Variants in ECM2 observed in about 807,000 individuals in gnomAD.
ECM2 encodes the protein extracellular matrix protein 2, female organ and adipocyte specific.
ECM2 carries 57 observed loss-of-function variants against 67.5 expected under a neutral mutation model. The ratio of observed to expected loss-of-function variants is 0.84; its 90% CI spans 0.68 to 1.05. The LOEUF is 1.05. Ranked by LOEUF, ECM2 falls within the 50% of genes least tolerant of loss-of-function variation. The pLI, the probability that ECM2 is intolerant of heterozygous loss-of-function variation, is 0.00. For missense variants in ECM2, 741 were observed against 822.8 expected, an observed-to-expected ratio of 0.90 and a Z score of 1.22; for synonymous variants, 258 against 294.5, an observed-to-expected ratio of 0.88 and a Z score of 1.27.
At chr9:92,557,099 C>G in the ECM2 span, among the ~76,000 whole-genome samples, 3 of 152,168 alleles carry the variant, frequency 2.0e-5, no homozygotes, top group African/African-American at 7.2e-5. Flanking sequence ...CTGAGTTTCG[C>G]TGAATACAAA....
intron 7 of ECM2, among the ~76,000 whole-genome samples, chr9:92,503,743 G>A (rs889658599): frequency 6.6e-6 from 1 of 152,204 alleles, no homozygotes; most frequent in Non-Finnish European, 1.5e-5. Flanking sequence ...GTATTTGTTA[G>A]AAATTAGTAA....
At chr9:92,544,779 G>A in the ECM2 span, among the ~76,000 whole-genome samples, 2 of 148,642 alleles carry the variant, frequency 1.3e-5, no homozygotes, top group South Asian at 2.1e-4. Context: ...GCAGTGGCGC[G>A]ATCTCAGCTC....
chr9:92,513,844 A>G (rs528938602), intron 4 of ECM2, among the ~76,000 whole-genome samples: 1 of 152,356 alleles, frequency 6.6e-6, no homozygotes, highest in African/African-American at 2.4e-5. Flanking sequence ...GGTGGTGGTT[A>G]CATGACTATG....
At chr9:92,516,304 C>A (rs1847716893) in intron 3 of ECM2, among the ~76,000 whole-genome samples, 1 of 152,024 alleles carries the variant, frequency 6.6e-6, no homozygotes, top group Non-Finnish European at 1.5e-5. Flanking sequence ...ACCTTGTGAT[C>A]CTCCCGCCTC....
At chr9:92,516,079 C>A (rs189720948) in intron 3 of ECM2, among the ~76,000 whole-genome samples, 20 of 150,308 alleles carry the variant, frequency 1.3e-4, no homozygotes, top group East Asian at 7.8e-4. Context: ...TTTTCCCCCC[C>A]CCGAGACGGA....
chr9:92,499,994 A>G (rs116974732), intron 9 of ECM2, among the ~76,000 whole-genome samples: 1 of 152,134 alleles, frequency 6.6e-6, no homozygotes, highest in Non-Finnish European at 1.5e-5. Context: ...GTCTTAATAA[A>G]TGTATTCAGA....
At chr9:92,559,068 A>C in the ECM2 span, among the ~76,000 whole-genome samples, 19 of 152,268 alleles carry the variant, frequency 1.2e-4, no homozygotes, top group African/African-American at 4.6e-4. Context: ...CAGCTGCCAA[A>C]GAAAAGGGCT....
At chr9:92,523,196 T>C (rs1416728422) in intron 1 of ECM2, among the ~76,000 whole-genome samples, 1 of 152,168 alleles carries the variant, frequency 6.6e-6, no homozygotes, top group African/African-American at 2.4e-5. Flanking sequence ...TCCTCCTGCA[T>C]TGGCCTCCCA....
chr9:92,498,429 C>A (rs911690977), intron 9 of ECM2, among the ~76,000 whole-genome samples: 10 of 151,470 alleles, frequency 6.6e-5, no homozygotes, highest in Admixed American at 5.9e-4. Flanking sequence ...TGCACATGTA[C>A]CCTAAAAGTA....
chr9:92,530,841 G>A (rs1219795476), intron 1 of ECM2, among the ~76,000 whole-genome samples: 1 of 152,062 alleles, frequency 6.6e-6, no homozygotes, highest in Non-Finnish European at 1.5e-5. Context: ...TCCAATCCTT[G>A]TTCCTCTCCC....
Position 92,534,828 on chromosome 9 carries a change from A to G in ECM2, c.-28+1105T>C, listed in dbSNP as rs377351577. 3.3e-4 allele frequency among the ~76,000 whole-genome samples: 50 copies of G among 152,308 alleles called. No individual in the cohort carries two copies. The South Asian group carries it at 8.9e-3, about 27-fold the overall frequency. ...ATCATAAGTGCTCTGCAATGCATGA[A>G]ATGTATACATTGAAATTTTCTTGCA... On this transcript the variant is annotated intron_variant, in intron 1 of 9. Transcript: ENST00000344604.
upstream of ECM2, chr9:92,536,108 T>C: frequency 2.3e-6 from 1 of 438,888 alleles, no homozygotes; most frequent in South Asian, 1.8e-5. Context: ...GATAAATGCC[T>C]TTCAGTTCTT....
At chr9:92,558,984 C>T in the ECM2 span, among the ~76,000 whole-genome samples, 1 of 152,072 alleles carries the variant, frequency 6.6e-6, no homozygotes, top group African/African-American at 2.4e-5. Context: ...TCCCCCGCCA[C>T]CCAACAGCCC....
intron 1 of ECM2, among the ~76,000 whole-genome samples, chr9:92,529,483 T>C (rs951814371): frequency 6.6e-6 from 1 of 152,204 alleles, no homozygotes; most frequent in African/African-American, 2.4e-5. Flanking sequence ...TGAAAATCTA[T>C]GTCCACACAA....
chr9:92,525,350 G>A (rs966555207), intron 1 of ECM2, among the ~76,000 whole-genome samples: 2 of 151,440 alleles, frequency 1.3e-5, no homozygotes, highest in Non-Finnish European at 2.9e-5. Flanking sequence ...AAACCTGAAA[G>A]ACCCTGCAAG....
rs117161319 is a variant in ECM2 at position 92,518,615 on chromosome 9, G to C, written c.293-740C>G. 2.1e-3 allele frequency among the ~76,000 whole-genome samples: 325 copies of C among 152,252 alleles called. 2 individuals carry two copies. Among genetic ancestry groups the C allele is most frequent in the Non-Finnish European group, 2.5e-3 (167 of 68,018 alleles). ...TCACCCTTTTGAAGTGTATAATACT[G>C]TCTGGGCACGGTGGCTCATGCCTGT... On this transcript the variant is annotated intron_variant, in intron 2 of 9. Coordinates refer to ENST00000344604, the MANE Select transcript of ECM2 (RefSeq NM_001393.4).
At chr9:92,515,764 A>G (rs566116097) in intron 3 of ECM2, among the ~76,000 whole-genome samples, 36 of 152,302 alleles carry the variant, frequency 2.4e-4, no homozygotes, top group African/African-American at 8.2e-4. Context: ...TCAGAATTAT[A>G]GAGAGAGAGT....
At chr9:92,500,486 A>C (rs1181150166) in intron 9 of ECM2, among the ~76,000 whole-genome samples, 1 of 152,236 alleles carries the variant, frequency 6.6e-6, no homozygotes, top group East Asian at 1.9e-4. Context: ...CCTGACCAAA[A>C]GATGTTTTAA....
downstream of ECM2, chr9:92,494,137 A>G: frequency 6.3e-7 from 1 of 1,597,604 alleles, no homozygotes; most frequent in African/African-American, 1.3e-5. Flanking sequence ...CTAGAACAGC[A>G]TCTGAAACAC....
Sources: allele counts gnomAD v4.1 joint callset (sites outside exome capture counted in the v4.1 genomes callset), GRCh38; gene constraint gnomAD v4.1.1; transcripts MANE v1.5; gene names NCBI Gene and HGNC (gene_info 2026-07-23, HGNC 2026-07-21).